The following FAM185A variants were observed in gnomAD, a reference collection of about 807,000 sequenced individuals.
FAM185A encodes protein FAM185A.
A neutral mutation model predicts 45.7 loss-of-function variants in FAM185A; 21 were observed. That is an observed-to-expected ratio of 0.46 (90% confidence interval 0.33 to 0.66). FAM185A has a LOEUF of 0.66. Ranked by LOEUF, FAM185A falls within the 30% of genes least tolerant of loss-of-function variation. The pLI is 0.03. For synonymous variants in FAM185A, 117 were observed against 194.0 expected (o/e 0.60, Z 3.30); for missense variants, 305 against 485.4 (o/e 0.63, Z 3.49).
At chr7:102,760,828 A>G (rs1584284278) in intron 3 of FAM185A, among the ~76,000 whole-genome samples, 1 of 152,216 alleles carries the variant, frequency 6.6e-6, no homozygotes, top group Admixed American at 6.5e-5. Context: ...TGTAGACAGT[A>G]TAATAACACA....
chr7:102,753,968 G>T (rs2537466), intron 2 of FAM185A, among the ~76,000 whole-genome samples: 21,045 of 151,988 alleles, frequency 0.14, 1,704 homozygotes, highest in Admixed American at 0.25. Flanking sequence ...AGAAATTCAT[G>T]AAAAATTACG....
chr7:102,776,454 A>G (rs191193669), intron 5 of FAM185A, among the ~76,000 whole-genome samples: 130 of 152,306 alleles, frequency 8.5e-4, no homozygotes, highest in African/African-American at 2.6e-3. Flanking sequence ...GGAAATTTGA[A>G]TGACAAATCA....
intron 6 of FAM185A, among the ~76,000 whole-genome samples, chr7:102,782,685 A>G (rs1326865323): frequency 9.2e-5 from 14 of 152,328 alleles, no homozygotes; most frequent in African/African-American, 3.4e-4. Flanking sequence ...AGTACCAGCC[A>G]CTGCAAAAAC....
the FAM185A span, among the ~76,000 whole-genome samples, chr7:102,823,727 G>A: frequency 8.5e-5 from 13 of 152,184 alleles, no homozygotes; most frequent in African/African-American, 1.4e-4. Context: ...AACATAGGCC[G>A]TGAGGCTTGG....
At position 102,778,894 on chromosome 7, in the gene FAM185A, G is replaced by C. The variant is rs568478884; in HGVS notation, c.931+1546G>C. On this transcript the variant is annotated intron_variant, in intron 6 of 7. Coordinates refer to ENST00000413034, the MANE Select transcript of FAM185A (RefSeq NM_001145268.2). ...TGGAATCCATTCCAACTCTGCCACT[G>C]TCTTGCTGTAGGGTTCAGAGCCAGC... Among the ~76,000 whole-genome samples, 122 of 152,338 alleles carry C rather than the reference G, an allele frequency of 8.0e-4. 2 individuals carry two copies. In the South Asian group the frequency reaches 0.023, roughly 29 times the overall value.
At chr7:102,847,207 G>GA in the FAM185A span, among the ~76,000 whole-genome samples, 56 of 142,106 alleles carry the variant, frequency 3.9e-4, no homozygotes, top group South Asian at 1.6e-3. Flanking sequence ...AACTTTACAG[G>GA]AAAAAAAAAA....
At chr7:102,830,764 A>G in the FAM185A span, among the ~76,000 whole-genome samples, 2 of 152,206 alleles carry the variant, frequency 1.3e-5, no homozygotes, top group African/African-American at 2.4e-5. Flanking sequence ...AAAAGCCTTC[A>G]GTGTGTACAA....
At chr7:102,777,093 C>T (rs898708053) in intron 5 of FAM185A, among the ~76,000 whole-genome samples, 160 bp from the exon 6 acceptor site, 3 of 152,092 alleles carry the variant, frequency 2.0e-5, no homozygotes, top group East Asian at 1.9e-4. Flanking sequence ...ATACTGTTTA[C>T]GTTCAAGTGC....
intron 4 of FAM185A, among the ~76,000 whole-genome samples, chr7:102,767,540 C>G (rs1440947989): frequency 2.7e-5 from 4 of 150,452 alleles, no homozygotes; most frequent in Admixed American, 6.6e-5. Context: ...TATATTCCTT[C>G]TCTTTCCACC....
the FAM185A span, among the ~76,000 whole-genome samples, chr7:102,834,064 GGAAGGAAGGAAGGAAGGAAA>G: frequency 0.014 from 1,600 of 112,154 alleles, 20 homozygotes; most frequent in Non-Finnish European, 0.021. Flanking sequence ...AAGGAAGGAA[GGAAGGAAGGAAGGAAGGAAA>G]GAAAAGAAAG....
At chr7:102,822,060 T>C in the FAM185A span, 2 of 1,614,204 alleles carry the variant, frequency 1.2e-6, no homozygotes, top group Non-Finnish European at 1.7e-6. Context: ...TTGTGCAGTA[T>C]TGCATCTTAA....
intron 6 of FAM185A, among the ~76,000 whole-genome samples, chr7:102,786,312 C>A (rs1205411410): frequency 6.6e-6 from 1 of 152,144 alleles, no homozygotes; most frequent in African/African-American, 2.4e-5. Context: ...ACCATTTGAC[C>A]CAGCAATCCC....
intron 3 of FAM185A, among the ~76,000 whole-genome samples, chr7:102,760,656 A>G (rs1191113959): frequency 6.6e-6 from 1 of 152,176 alleles, no homozygotes; most frequent in African/African-American, 2.4e-5. Flanking sequence ...TTTTGAGAAC[A>G]GGAATAAGAC....
chr7:102,810,455 C>A (rs1189586497), downstream of FAM185A, among the ~76,000 whole-genome samples: 1 of 152,176 alleles, frequency 6.6e-6, no homozygotes, highest in East Asian at 1.9e-4. Context: ...TGGTCTTGAA[C>A]TCCTGGCCTC....
intron 4 of FAM185A, among the ~76,000 whole-genome samples, chr7:102,763,362 C>T (rs1168909036): frequency 6.6e-6 from 1 of 151,964 alleles, no homozygotes; most frequent in Non-Finnish European, 1.5e-5. Context: ...TCTAGGTCCT[C>T]TTTTGGACTA....
intron 6 of FAM185A, among the ~76,000 whole-genome samples, chr7:102,781,242 G>C (rs1428164775): frequency 2.6e-5 from 4 of 152,200 alleles, no homozygotes; most frequent in Non-Finnish European, 5.9e-5. Flanking sequence ...TGGGGGCAGG[G>C]CACAGCCAAA....
intron 6 of FAM185A, among the ~76,000 whole-genome samples, chr7:102,785,918 TGC>T (rs1042561662): frequency 5.3e-5 from 8 of 152,322 alleles, no homozygotes; most frequent in Admixed American, 3.3e-4. Flanking sequence ...AGAAATTTTT[TGC>T]AATCTACTCT....
chr7:102,822,823 AGC>A, the FAM185A span, among the ~76,000 whole-genome samples: 1 of 152,242 alleles, frequency 6.6e-6, no homozygotes, highest in African/African-American at 2.4e-5. Context: ...CTATGATCCC[AGC>A]ACTTTGGTAG....
At chr7:102,850,329 C>G in the FAM185A span, among the ~76,000 whole-genome samples, 1 of 152,054 alleles carries the variant, frequency 6.6e-6, no homozygotes, top group South Asian at 2.1e-4. Context: ...ACTCCTTCAT[C>G]CCAAGGATGA....
Sources: allele counts gnomAD v4.1 joint callset (sites outside exome capture counted in the v4.1 genomes callset), GRCh38; gene constraint gnomAD v4.1.1; transcripts MANE v1.5; gene names NCBI Gene and HGNC (gene_info 2026-07-23, HGNC 2026-07-21).